Variants in SRRM2 observed in about 807,000 individuals in gnomAD.
The protein encoded by SRRM2 is serine/arginine repetitive matrix 2, also known as serine/arginine repetitive matrix protein 2.
SRRM2 carries 30 observed loss-of-function variants against 213.8 expected under a neutral mutation model. The observed-to-expected ratio is 0.14, with a 90% CI of 0.10 to 0.19. The LOEUF is 0.19. Ranked by LOEUF, SRRM2 falls within the 10% of genes least tolerant of loss-of-function variation. The pLI, the probability that SRRM2 is intolerant of heterozygous loss-of-function variation, is 1.00. For synonymous variants in SRRM2, 2,025 were observed against 1,377.7 expected, an observed-to-expected ratio of 1.47 and a Z score of -10.40; for missense variants, 4,904 against 3,647.0, an observed-to-expected ratio of 1.34 and a Z score of -8.88.
At chr16:2,753,699 C>G (rs922789225) in intron 1 of SRRM2, 6 of 152,196 alleles carry the variant, frequency 3.9e-5, no homozygotes, top group African/African-American at 1.2e-4. Context: ...GGTTTCCACT[C>G]GGCTTCAGTT....
chr16:2,759,988 C>G lies in SRRM2; in HGVS notation c.834-313C>G, dbSNP rs1169372668. On this transcript the variant is annotated intron_variant, in intron 9 of 14. Transcript: ENST00000301740. ...GGCTTCCTTAATCGGGGAAGGCTTC[C>G]TGAAGGAGGTGGGCTCAGAGGTGAG... 9.4e-6 allele frequency: 5 copies of G among 533,044 alleles called. No homozygotes were observed. In the East Asian group the frequency reaches 1.6e-4, roughly 17 times the overall value. 33.0% of individuals were successfully genotyped at this position (533,044 alleles called of 1,614,324 possible).
At chr16:2,758,636 C>A in intron 5 of SRRM2, 89 bp downstream of exon 5, 1 of 1,293,606 alleles carries the variant, frequency 7.7e-7, no homozygotes, top group Non-Finnish European at 1.1e-6. Context: ...CTGGCTTCCA[C>A]AAAGCAGGAG....
chr16:2,768,925 C>T (rs751244946), intron 11 of SRRM2, 72 bp from the exon 12 acceptor site: 3 of 1,599,012 alleles, frequency 1.9e-6, no homozygotes, highest in Non-Finnish European at 2.6e-6. Flanking sequence ...CACTGCCGTT[C>T]CTCCAGGCCA....
chr16:2,762,878 C>G lies in SRRM2; in HGVS notation c.2350C>G (p.Pro784Ala), dbSNP rs2068409096. The change falls in exon 11 of 15, where the codon CCA (proline) becomes GCA (alanine). Residue 784 changes from proline to alanine, a missense_variant. Pro to Ala is a conservative substitution (Grantham distance 27, BLOSUM62 -1). Coordinates refer to ENST00000301740, the MANE Select transcript of SRRM2 (RefSeq NM_016333.4). ...SLRRSLSGSS[P>A]CPKQKSQTPP... is the part of the protein sequence containing the mutation. ...GAGGCGCAGCCTTTCAGGGTCTTCC[C>G]CATGCCCTAAACAAAAGTCACAGAC... The G allele has an allele frequency of 6.2e-7, 1 of 1,614,066 alleles. No individual in the cohort carries two copies. The highest frequency in any genetic ancestry group is 8.5e-7 in the Non-Finnish European group (1 of 1,180,030).
In SRRM2 at chr16:2,767,736, A is replaced by G; in HGVS notation, c.7208A>G (p.Asp2403Gly). The G allele has an allele frequency of 6.2e-7, 1 of 1,612,300 alleles. No homozygotes were observed. Among genetic ancestry groups the G allele is most frequent in the South Asian group, 1.1e-5 (1 of 90,966 alleles). The part of the protein sequence containing the change: ...VSGRTSPPLL[D>G]RARSRTPPSA... ...GGCAGAACCTCACCACCGCTCCTTG[A>G]CCGAGCTAGGTCCAGAACACCACCG... is the stretch of plus-strand genomic sequence containing the variant. Residue 2403 changes from aspartate to glycine, a missense_variant, in exon 11 of 15, where the codon GAC (aspartate) becomes GGC (glycine). Coordinates refer to ENST00000301740, the MANE Select transcript of SRRM2 (RefSeq NM_016333.4).
chr16:2,766,208 C>T lies in SRRM2; in HGVS notation c.5680C>T (p.Pro1894Ser), dbSNP rs766492060. 6 of 1,614,052 alleles carry T rather than the reference C, an allele frequency of 3.7e-6. No individual in the cohort carries two copies. Among genetic ancestry groups the T allele is most frequent in the South Asian group, 1.1e-5 (1 of 91,074 alleles). ...ACGTAGGTCCAGATCTCGAACTTCA[C>T]CAGTCAGCCGGAGACGGTCAAGGTC... ...SRRRSRSRTS[P>S]VSRRRSRSRT... Residue 1894 changes from proline to serine, a missense_variant, in exon 11 of 15, where the codon CCA (proline) becomes TCA (serine). Transcript: ENST00000301740. The surrounding 1 kb of genome is among the most constrained non-coding windows in gnomAD (Gnocchi z 7.0).
chr16:2,769,471 C>A (rs1267552955), intron 12 of SRRM2, 187 bp downstream of exon 12: 3 of 693,874 alleles, frequency 4.3e-6, no homozygotes, highest in Non-Finnish European at 7.2e-6. Context: ...GCTGCGCCAT[C>A]CACAGCGGCG....
intron 7 of SRRM2, 80 bp from the exon 8 acceptor site, chr16:2,759,272 A>G (rs908437160): frequency 3.1e-6 from 5 of 1,605,592 alleles, no homozygotes; most frequent in Admixed American, 1.7e-5. Flanking sequence ...TTGTGTCAAC[A>G]CTCCCTCTTT....
rs758964235 is a variant in SRRM2, at chr16:2,763,241, C to T, written c.2713C>T (p.Pro905Ser). The part of the protein sequence containing the change: ...SPPRVKSSTP[P>S]RQSPSRSSSP... Reference sequence around the variant, plus strand: ...TCCTAGAGTGAAATCTAGCACACCTCCCAGACAGAGCCCATCTAGGTCATC... The same window carrying T: ...TCCTAGAGTGAAATCTAGCACACCTTCCAGACAGAGCCCATCTAGGTCATC... Residue 905 changes from proline to serine, a missense_variant, in exon 11 of 15, where the codon CCC becomes TCC. Coordinates refer to ENST00000301740, the MANE Select transcript of SRRM2 (RefSeq NM_016333.4). 40 of 1,613,992 alleles carry T rather than the reference C, an allele frequency of 2.5e-5. No homozygotes were observed. The East Asian group carries it at 3.6e-4, about 14-fold the overall frequency.
rs1441088198 is a variant in SRRM2 at position 2,771,411 on chromosome 16, A to T, written c.*544A>T. 2 of 1,612,118 alleles carry T rather than the reference A, an allele frequency of 1.2e-6. No homozygotes were observed. Among genetic ancestry groups the T allele is most frequent in the Non-Finnish European group, 8.5e-7 (1 of 1,178,474 alleles). On this transcript the variant is annotated 3_prime_UTR_variant, in exon 15 of 15. Coordinates refer to ENST00000301740, the MANE Select transcript of SRRM2 (RefSeq NM_016333.4). ...GTCAAATAAAAATGAGAAATGCAGG[A>T]ACTGGGTCTGTAGACTGTTTATTAA... is the stretch of plus-strand genomic sequence containing the variant.
At position 2,769,290 on chromosome 16, in the gene SRRM2, T is replaced by G; in HGVS notation, c.8021+6T>G. On this transcript the variant is annotated splice_donor_region_variant and intron_variant, in intron 12 of 14. Transcript: ENST00000301740. ...CCACCCCCTGGCGAGCGGAGGTGAG[T>G]GCTGTCTTGCCTGAGTTGAAAGGTG... 1 of 1,550,748 alleles carries G rather than the reference T, an allele frequency of 6.4e-7. No individual in the cohort carries two copies. The highest frequency in any genetic ancestry group is 8.7e-7 in the Non-Finnish European group (1 of 1,148,352).
rs760249477 is a variant in SRRM2 at position 2,769,296 on chromosome 16, C to T, written c.8021+12C>T. 4 of 1,544,020 alleles carry T rather than the reference C, an allele frequency of 2.6e-6. No homozygotes were observed. In the South Asian group the frequency reaches 5.0e-5, roughly 19 times the overall value. ...CCTGGCGAGCGGAGGTGAGTGCTGT[C>T]TTGCCTGAGTTGAAAGGTGGGTGGG... On this transcript the variant is annotated intron_variant, in intron 12 of 14. Coordinates refer to ENST00000301740, the MANE Select transcript of SRRM2 (RefSeq NM_016333.4).
chr16:2,759,348 C>T lies in SRRM2; in HGVS notation c.690-4C>T, dbSNP rs1270298074. The T allele has an allele frequency of 1.2e-6, 2 of 1,604,178 alleles. No individual in the cohort carries two copies. Among genetic ancestry groups the T allele is most frequent in the Non-Finnish European group, 1.7e-6 (2 of 1,177,498 alleles). On this transcript the variant is annotated splice_region_variant and splice_polypyrimidine_tract_variant and intron_variant, in intron 7 of 14. Coordinates refer to ENST00000301740, the MANE Select transcript of SRRM2 (RefSeq NM_016333.4). ...ACTTTTAACAACCTTTCCTTATTTC[C>T]CAGGTCTCCCACTCCAAAGAGCAAA...
rs2068201413 is a variant in SRRM2, at chr16:2,757,851, A to G, written c.421A>G (p.Ile141Val). 1 of 1,614,140 alleles carries G rather than the reference A, an allele frequency of 6.2e-7. No individual in the cohort carries two copies. Among genetic ancestry groups the G allele is most frequent in the Non-Finnish European group, 8.5e-7 (1 of 1,179,994 alleles). Reference sequence around the variant, plus strand: ...TGAAAGACTCCGTGCTGCCTTTGGCATCAGTGATTCTTACGTAGATGGCAG... The same window carrying G: ...TGAAAGACTCCGTGCTGCCTTTGGCGTCAGTGATTCTTACGTAGATGGCAG... ...KNERLRAAFG[I>V]SDSYVDGSSF... Residue 141 changes from isoleucine to valine, a missense_variant, in exon 4 of 15, where the codon ATC becomes GTC. Physicochemically the swap from Ile to Val is conservative, Grantham distance 29 (BLOSUM62 3). Transcript: ENST00000301740.
In SRRM2 at chr16:2,763,799, C is replaced by G; in HGVS notation, c.3271C>G (p.Gln1091Glu). 1.9e-6 allele frequency: 3 copies of G among 1,614,176 alleles called. No individual in the cohort carries two copies. Among genetic ancestry groups the G allele is most frequent in the Non-Finnish European group, 2.5e-6 (3 of 1,180,046 alleles). The part of the protein sequence containing the change: ...SESPSLQSKS[Q>E]TSPKGGRSRS... ...ATCACCATCTCTGCAGAGCAAATCTCAAACATCACCTAAGGGAGGTCGGTC... is the reference window on the plus strand; with the variant it reads ...ATCACCATCTCTGCAGAGCAAATCTGAAACATCACCTAAGGGAGGTCGGTC... The change falls in exon 11 of 15, where the codon CAA (glutamine) becomes GAA (glutamate). Residue 1091 changes from glutamine to glutamate, a missense_variant. Physicochemically the swap from Gln to Glu is conservative, Grantham distance 29. Coordinates refer to ENST00000301740, the MANE Select transcript of SRRM2 (RefSeq NM_016333.4).
rs755577002 is a variant in SRRM2 at position 2,767,503 on chromosome 16, C to T, written c.6975C>T (p.Ser2325=). The part of the protein sequence containing the change: ...GTPPTAANYP[S]SSRTPQAPAS... ...CACCAACTGCTGCAAACTATCCCTC[C>T]AGCTCCAGAACACCACAGGCTCCAG... Residue 2325 remains serine (S), a synonymous_variant, in exon 11 of 15, where the codon TCC becomes TCT. Coordinates refer to ENST00000301740, the MANE Select transcript of SRRM2 (RefSeq NM_016333.4). 2.5e-6 allele frequency: 4 copies of T among 1,614,222 alleles called. No homozygotes were observed. The Admixed American group carries it at 6.7e-5, about 27-fold the overall frequency.
In SRRM2 at chr16:2,763,839, C is replaced by T. The variant is rs1478736947; in HGVS notation, c.3311C>T (p.Pro1104Leu). 1.9e-6 allele frequency: 3 copies of T among 1,614,234 alleles called. No individual in the cohort carries two copies. Among genetic ancestry groups the T allele is most frequent in the Non-Finnish European group, 2.5e-6 (3 of 1,180,040 alleles). Residue 1104 changes from proline to leucine, a missense_variant, in exon 11 of 15, where the codon CCA (proline) becomes CTA (leucine). Pro to Leu is a moderately conservative substitution (Grantham distance 98). Coordinates refer to ENST00000301740, the MANE Select transcript of SRRM2 (RefSeq NM_016333.4). The part of the protein sequence containing the change: ...PKGGRSRSSS[P>L]VTELASRSPI... ...GGAGGTCGGTCCAGGTCTTCATCTC[C>T]AGTCACTGAGCTGGCATCCAGATCT...
intron 4 of SRRM2, 108 bp from the exon 5 acceptor site, chr16:2,758,362 C>T (rs3094778): frequency 0.7 from 735,524 of 1,047,872 alleles, 264,033 homozygotes; most frequent in Admixed American, 0.81. Flanking sequence ...CAGAGCGAGA[C>T]TCTTATTTTT....
Position 2,766,130 on chromosome 16 carries a change from G to T in SRRM2, c.5602G>T (p.Ala1868Ser). Residue 1868 changes from alanine to serine, a missense_variant, in exon 11 of 15, where the codon GCC (alanine) becomes TCC (serine). Coordinates refer to ENST00000301740, the MANE Select transcript of SRRM2 (RefSeq NM_016333.4). The surrounding 1 kb of genome is among the most constrained non-coding windows in gnomAD (Gnocchi z 7.0). ...PAPWKRSRSRASPATHRRSRS... is the reference protein window; with the variant it reads ...PAPWKRSRSRSSPATHRRSRS... Reference sequence around the variant, plus strand: ...CCCGTGGAAACGCTCTAGATCTCGAGCCTCTCCAGCCACTCACCGGCGATC... The same window carrying T: ...CCCGTGGAAACGCTCTAGATCTCGATCCTCTCCAGCCACTCACCGGCGATC... 1 of 1,613,934 alleles carries T rather than the reference G, an allele frequency of 6.2e-7. No homozygotes were observed. Among genetic ancestry groups the T allele is most frequent in the Non-Finnish European group, 8.5e-7 (1 of 1,179,954 alleles).
Sources: allele counts gnomAD v4.1 joint callset, GRCh38; gene constraint gnomAD v4.1.1; non-coding constraint Gnocchi (gnomAD v3.1); transcripts MANE v1.5; gene names NCBI Gene and HGNC (gene_info 2026-07-23, HGNC 2026-07-21).